The following FSTL5 variants were observed in gnomAD, a reference collection of about 807,000 sequenced individuals.
FSTL5 encodes follistatin like 5.
FSTL5 carries 62 observed loss-of-function variants against 89.1 expected under a neutral mutation model. The observed-to-expected ratio is 0.70, with a 90% confidence interval of 0.57 to 0.86. The LOEUF is 0.86. Ranked by LOEUF, FSTL5 falls within the 40% of genes least tolerant of loss-of-function variation. The probability of loss-of-function intolerance (pLI) is 0.00; values close to 1 mark genes in which losing one functional copy is unlikely to be tolerated. For synonymous variants in FSTL5, 383 were observed against 346.2 expected, an observed-to-expected ratio of 1.11 and a Z score of -1.18; for missense variants, 1,057 against 1,001.6, an observed-to-expected ratio of 1.06 and a Z score of -0.75.
At chr4:161,660,799 T>C (rs887333619) in intron 6 of FSTL5, among the ~76,000 whole-genome samples, 1 of 152,166 alleles carries the variant, frequency 6.6e-6, no homozygotes, top group Non-Finnish European at 1.5e-5. Flanking sequence ...GCAAAGAACA[T>C]GATCTTGTTC....
chr4:162,077,551 A>T (rs1457354414), intron 2 of FSTL5, among the ~76,000 whole-genome samples: 1 of 151,868 alleles, frequency 6.6e-6, no homozygotes, highest in East Asian at 1.9e-4. Context: ...TGGGGAAAAT[A>T]CAAATCCTGA....
In FSTL5 at chr4:161,836,728, T is replaced by C. The variant is rs1203968348; in HGVS notation, c.410-60654A>G. ...TTGTTGAAGAGCAAAATTAAAGATA[T>C]TGTGAAATTTTTTATTAAAAATAAA... On this transcript the variant is annotated intron_variant, in intron 4 of 15. Transcript: ENST00000306100. Among the ~76,000 whole-genome samples the C allele has an allele frequency of 3.9e-5, 6 of 151,936 alleles. No individual in the cohort carries two copies. In the South Asian group the frequency reaches 1.0e-3, roughly 26 times the overall value.
intron 4 of FSTL5, among the ~76,000 whole-genome samples, chr4:161,856,206 A>T (rs1468855731): frequency 6.6e-6 from 1 of 152,020 alleles, no homozygotes; most frequent in Non-Finnish European, 1.5e-5. Flanking sequence ...AGCAATATGA[A>T]TTTTTCTTGA....
chr4:161,835,319 C>T (rs1270799987), intron 4 of FSTL5, among the ~76,000 whole-genome samples: 8 of 152,112 alleles, frequency 5.3e-5, no homozygotes, highest in African/African-American at 1.9e-4. Flanking sequence ...GGATTAAAGA[C>T]TTAAACATTA....
intron 14 of FSTL5, among the ~76,000 whole-genome samples, chr4:161,457,878 C>T (rs553700269): frequency 1.2e-4 from 19 of 152,112 alleles, no homozygotes; most frequent in Non-Finnish European, 2.2e-4. Context: ...CTTTTTCAAT[C>T]AAGAGATTGG....
chr4:161,679,260 T>C (rs916288940), intron 6 of FSTL5, among the ~76,000 whole-genome samples: 2 of 151,752 alleles, frequency 1.3e-5, no homozygotes, highest in African/African-American at 4.8e-5. Flanking sequence ...CATTGAAACA[T>C]AATGTTCACA....
At chr4:161,516,241 T>C (rs1730825249) in intron 10 of FSTL5, among the ~76,000 whole-genome samples, 1 of 149,148 alleles carries the variant, frequency 6.7e-6, no homozygotes, top group East Asian at 1.9e-4. Flanking sequence ...GGTATTGTAA[T>C]ATATATATTT....
intron 7 of FSTL5, among the ~76,000 whole-genome samples, chr4:161,637,423 C>A (rs1469335917): frequency 1.4e-5 from 2 of 146,578 alleles, no homozygotes; most frequent in Admixed American, 6.8e-5. Context: ...TGCCTGTTCA[C>A]TCTGATGGTA....
chr4:162,151,580 G>T (rs1733226933), intron 1 of FSTL5, among the ~76,000 whole-genome samples: 1 of 152,138 alleles, frequency 6.6e-6, no homozygotes, highest in African/African-American at 2.4e-5. Flanking sequence ...GAAGTCTCTT[G>T]TATACTTGGC....
chr4:161,523,853 G>A (rs574191940), intron 10 of FSTL5, among the ~76,000 whole-genome samples: 1 of 152,298 alleles, frequency 6.6e-6, no homozygotes, highest in South Asian at 2.1e-4. Context: ...AATGCTTATT[G>A]TGGTATCTCC....
intron 15 of FSTL5, among the ~76,000 whole-genome samples, chr4:161,399,193 C>T (rs1373127079): frequency 2.6e-5 from 4 of 152,040 alleles, no homozygotes; most frequent in African/African-American, 9.7e-5. Flanking sequence ...CAGCTGACCC[C>T]TTAACAACAT....
chr4:161,687,146 C>T (rs375934301), intron 6 of FSTL5, among the ~76,000 whole-genome samples: 49 of 152,070 alleles, frequency 3.2e-4, no homozygotes, highest in South Asian at 8.3e-4. Context: ...GATGTAACAA[C>T]GGTTAAATGG....
chr4:161,589,576 C>T (rs1733735663), intron 7 of FSTL5, among the ~76,000 whole-genome samples: 1 of 152,062 alleles, frequency 6.6e-6, no homozygotes, highest in Non-Finnish European at 1.5e-5. Context: ...CTTCAGCCAC[C>T]CAAGGTGCTG....
chr4:161,464,853 CA>C (rs886471310), intron 13 of FSTL5, among the ~76,000 whole-genome samples: 6 of 151,900 alleles, frequency 3.9e-5, no homozygotes, highest in Non-Finnish European at 8.8e-5. Context: ...TTTTATTTAA[CA>C]AAAATAATTG....
At chr4:161,898,097 T>C (rs925535500) in intron 4 of FSTL5, among the ~76,000 whole-genome samples, 21 of 148,106 alleles carry the variant, frequency 1.4e-4, no homozygotes, top group Non-Finnish European at 2.7e-4. Flanking sequence ...TATATATATA[T>C]TTTATTTTAT....
At chr4:161,679,302 T>A (rs1325544426) in intron 6 of FSTL5, among the ~76,000 whole-genome samples, 1 of 151,764 alleles carries the variant, frequency 6.6e-6, no homozygotes, top group Non-Finnish European at 1.5e-5. Flanking sequence ...ACATTGAGTA[T>A]CTACTATAAG....
chr4:161,916,356 T>G (rs753536471), intron 4 of FSTL5, among the ~76,000 whole-genome samples: 2 of 152,162 alleles, frequency 1.3e-5, no homozygotes, highest in African/African-American at 4.8e-5. Flanking sequence ...CTGAGTAGTA[T>G]AGATGTTTTG....
rs566219258 is a variant in FSTL5, at chr4:162,067,495, T to A, written c.127-33837A>T. Among the ~76,000 whole-genome samples, 16 of 152,224 alleles carry A rather than the reference T, an allele frequency of 1.1e-4. No homozygotes were observed. The South Asian group carries it at 3.3e-3, about 32-fold the overall frequency. On this transcript the variant is annotated intron_variant, in intron 2 of 15. Coordinates refer to ENST00000306100, the MANE Select transcript of FSTL5 (RefSeq NM_020116.5). ...AGTGATTTATATTCCTTTGGGTATATACCCAGTAATGGGATTGCTGGGTCA... is the reference window on the plus strand; with the variant it reads ...AGTGATTTATATTCCTTTGGGTATAAACCCAGTAATGGGATTGCTGGGTCA...
intron 6 of FSTL5, among the ~76,000 whole-genome samples, chr4:161,666,074 A>AAT (rs1736882225): frequency 6.6e-6 from 1 of 152,114 alleles, no homozygotes; most frequent in Non-Finnish European, 1.5e-5. Context: ...TAAAATTTAA[A>AAT]ATATCTATTC....
Sources: gnomAD v4.1 joint callset for allele counts (sites outside exome capture counted in the v4.1 genomes callset) on GRCh38, gnomAD v4.1.1 for gene constraint, MANE v1.5 for transcripts, NCBI Gene and HGNC (gene_info 2026-07-23, HGNC 2026-07-21) for gene names.